Variants in SLC25A12 observed in about 807,000 individuals in gnomAD.
SLC25A12 encodes the protein solute carrier family 25 member 12.
In SLC25A12, 32 loss-of-function variants were observed where a neutral mutation model predicts 83.3. The observed-to-expected ratio is 0.38, with a 90% CI of 0.29 to 0.52. SLC25A12 has a LOEUF of 0.52. Ranked by LOEUF, SLC25A12 falls within the 20% of genes least tolerant of loss-of-function variation. The probability of loss-of-function intolerance (pLI) is 0.84; values close to 1 mark genes in which losing one functional copy is unlikely to be tolerated. For missense variants in SLC25A12, 611 were observed against 835.6 expected (o/e 0.73, Z 3.31); for synonymous variants, 267 against 291.1 (o/e 0.92, Z 0.84).
At chr2:171,821,070 C>G (rs558715969) in intron 9 of SLC25A12, among the ~76,000 whole-genome samples, 337 of 137,018 alleles carry the variant, frequency 2.5e-3, no homozygotes, top group Middle Eastern at 8.6e-3. Flanking sequence ...CCCTCTGTTG[C>G]CCAGGCTAAA....
intron 5 of SLC25A12, among the ~76,000 whole-genome samples, chr2:171,839,361 A>G (rs1684624379): frequency 6.6e-6 from 1 of 152,204 alleles, no homozygotes; most frequent in Non-Finnish European, 1.5e-5. Context: ...TGGGCTTATA[A>G]AAGGTAAAAT....
At position 171,820,232 on chromosome 2, in the gene SLC25A12, ATAATTCT is replaced by A. The variant is rs149311185; in HGVS notation, c.931-5037_931-5031del. ...ACCCCCAAACTTAAAAGTTAAAATA[ATAATTCT>A]TAATAATTCTAATGATGTTTTGACA... On this transcript the variant is annotated intron_variant, in intron 9 of 17. Coordinates refer to ENST00000422440, the MANE Select transcript of SLC25A12 (RefSeq NM_003705.5). Among the ~76,000 whole-genome samples, 42 of 152,170 alleles carry A rather than the reference ATAATTCT, an allele frequency of 2.8e-4. No individual in the cohort carries two copies. In the East Asian group the frequency reaches 7.5e-3, roughly 27 times the overall value.
intron 4 of SLC25A12, among the ~76,000 whole-genome samples, chr2:171,847,809 T>C (rs1381482969): frequency 6.6e-6 from 1 of 152,236 alleles, no homozygotes; most frequent in Non-Finnish European, 1.5e-5. Context: ...GGATGGTTTA[T>C]ACTTCCATTG....
intron 11 of SLC25A12, among the ~76,000 whole-genome samples, chr2:171,812,411 G>C (rs1460494448): frequency 6.6e-6 from 1 of 152,124 alleles, no homozygotes; most frequent in Non-Finnish European, 1.5e-5. Flanking sequence ...AGGGATTAAT[G>C]AGCTTGTATG....
At chr2:171,845,692 AG>A (rs1684781743) in intron 4 of SLC25A12, 2 of 338,234 alleles carry the variant, frequency 5.9e-6, no homozygotes, top group Non-Finnish European at 6.0e-6. Context: ...CTACTGGGAT[AG>A]GGGAATGTAA....
At chr2:171,870,447 C>T (rs982038268) in intron 2 of SLC25A12, among the ~76,000 whole-genome samples, 2 of 151,934 alleles carry the variant, frequency 1.3e-5, no homozygotes, top group African/African-American at 4.8e-5. Context: ...CATGGCAAAA[C>T]CCCATCTCTA....
intron 13 of SLC25A12, among the ~76,000 whole-genome samples, chr2:171,800,518 G>T (rs984880050): frequency 6.6e-6 from 1 of 152,128 alleles, no homozygotes; most frequent in Admixed American, 6.6e-5. Flanking sequence ...TGGAATACTT[G>T]TACACTGCTT....
At chr2:171,803,146 T>C (rs1202171601) in intron 13 of SLC25A12, among the ~76,000 whole-genome samples, 1 of 150,730 alleles carries the variant, frequency 6.6e-6, no homozygotes, top group East Asian at 1.9e-4. Context: ...CTAAAAAACT[T>C]AGGCTTAAAA....
At chr2:171,847,104 T>C (rs1684813347) in intron 4 of SLC25A12, among the ~76,000 whole-genome samples, 2 of 152,220 alleles carry the variant, frequency 1.3e-5, no homozygotes, top group South Asian at 4.1e-4. Context: ...ATGATCATTA[T>C]TATATGCTGT....
intron 3 of SLC25A12, among the ~76,000 whole-genome samples, chr2:171,867,190 G>A (rs1268959731): frequency 6.7e-6 from 1 of 149,388 alleles, no homozygotes; most frequent in South Asian, 2.1e-4. Flanking sequence ...CCCAGACGAT[G>A]GGCGGCCAGG....
At chr2:171,812,324 C>T (rs1270948019) in intron 11 of SLC25A12, among the ~76,000 whole-genome samples, 2 of 152,074 alleles carry the variant, frequency 1.3e-5, no homozygotes, top group Non-Finnish European at 2.9e-5. Context: ...TGTCCATGAG[C>T]ATAAAGCTCT....
intron 5 of SLC25A12, among the ~76,000 whole-genome samples, chr2:171,837,952 A>G (rs1045580190): frequency 6.6e-6 from 1 of 152,226 alleles, no homozygotes; most frequent in African/African-American, 2.4e-5. Context: ...CTATTGGGCA[A>G]CCAAACTTTG....
chr2:171,809,621 A>C lies in SLC25A12; in HGVS notation c.1290T>G (p.Val430=), dbSNP rs774925107. 7 of 1,613,836 alleles carry C rather than the reference A, an allele frequency of 4.3e-6. No individual in the cohort carries two copies. The highest frequency in any genetic ancestry group is 5.9e-6 in the Non-Finnish European group (7 of 1,179,810). Residue 430 remains valine, a synonymous_variant, in exon 13 of 18, where the codon GTT becomes GTG. Coordinates refer to ENST00000422440, the MANE Select transcript of SLC25A12 (RefSeq NM_003705.5). Reference sequence around the variant, plus strand: ...TAATACTTACACAGCCTCCAGCAAGAACTTCTGCTGGAAGTGGAACAGAGC... The same window carrying C: ...TAATACTTACACAGCCTCCAGCAAGCACTTCTGCTGGAAGTGGAACAGAGC... ...RDGSVPLPAE[V]LAGGCAGGSQ... is the part of the protein sequence containing the mutation.
rs759289298 is a variant in SLC25A12, at chr2:171,808,877, CCA to C, written c.1305+727_1305+728del. 5.9e-5 allele frequency among the ~76,000 whole-genome samples: 9 copies of C among 151,814 alleles called. No individual in the cohort carries two copies. The East Asian group carries it at 1.2e-3, about 20-fold the overall frequency. On this transcript the variant is annotated intron_variant, in intron 13 of 17. Transcript: ENST00000422440. ...CCAACCCCCAACCCCATGACAGGCC[CCA>C]GTGTGTGATGCTCCCTGCCCTGTGT...
intron 13 of SLC25A12, 58 bp from the exon 14 acceptor site, chr2:171,793,825 A>G: frequency 6.3e-7 from 1 of 1,599,758 alleles, no homozygotes; most frequent in Non-Finnish European, 8.6e-7. Flanking sequence ...CTGGCAGCGT[A>G]AAAAAGGAAA....
intron 3 of SLC25A12, among the ~76,000 whole-genome samples, chr2:171,868,378 A>G (rs1685388036): frequency 6.9e-6 from 1 of 144,038 alleles, no homozygotes; most frequent in South Asian, 2.2e-4. Context: ...CAGCAGCTCG[A>G]TCTCGGCGCA....
At chr2:171,868,607 C>A (rs1685393488) in intron 3 of SLC25A12, 74 bp downstream of exon 3, 2 of 1,477,224 alleles carry the variant, frequency 1.4e-6, no homozygotes, top group South Asian at 2.3e-5. Flanking sequence ...AGCCACTGTG[C>A]CCAGCTGGTT....
intron 4 of SLC25A12, chr2:171,848,040 AT>A (rs1194369602): frequency 1.3e-5 from 5 of 371,046 alleles, no homozygotes; most frequent in Non-Finnish European, 2.8e-5. Context: ...TTATGTAAAT[AT>A]GTCTTAACAG....
At chr2:171,835,765 T>TA (rs1476131242) in intron 6 of SLC25A12, among the ~76,000 whole-genome samples, 2 of 152,176 alleles carry the variant, frequency 1.3e-5, no homozygotes, top group African/African-American at 4.8e-5. Flanking sequence ...ATAGTGTAGG[T>TA]AATGATGAGC....
Sources: gnomAD v4.1 joint callset for allele counts (sites outside exome capture counted in the v4.1 genomes callset) on GRCh38, gnomAD v4.1.1 for gene constraint, MANE v1.5 for transcripts, NCBI Gene and HGNC (gene_info 2026-07-23, HGNC 2026-07-21) for gene names.